PPM1L: variants seen among roughly 807,000 people sequenced by gnomAD.
The protein encoded by PPM1L is protein phosphatase, Mg2+/Mn2+ dependent 1L.
In PPM1L, 13 loss-of-function variants were observed where a neutral mutation model predicts 31.4. The observed-to-expected ratio is 0.41, with a 90% CI of 0.27 to 0.66. The LOEUF is 0.66. Among genes scored for constraint, PPM1L ranks in the 30% least tolerant of loss-of-function variants. The pLI is 0.29. For synonymous variants in PPM1L, 184 were observed against 175.4 expected, an observed-to-expected ratio of 1.05 and a Z score of -0.39; for missense variants, 326 against 453.7, an observed-to-expected ratio of 0.72 and a Z score of 2.56.
chr3:160,843,429 TATATATATATATATATATATA>T (rs1357812413), intron 1 of PPM1L, among the ~76,000 whole-genome samples: 13 of 42,520 alleles, frequency 3.1e-4, no homozygotes, highest in African/African-American at 1.5e-3. Flanking sequence ...AATTCTTTTA[TATATATATATATATATATATA>T]TATATATATA....
At chr3:160,788,583 T>G (rs1576638107) in intron 1 of PPM1L, among the ~76,000 whole-genome samples, 1 of 152,070 alleles carries the variant, frequency 6.6e-6, no homozygotes. Context: ...ACAAATCTTA[T>G]GCCATCACAT....
At chr3:160,994,081 TTCTC>T (rs1181980819) in intron 2 of PPM1L, among the ~76,000 whole-genome samples, 6 of 152,146 alleles carry the variant, frequency 3.9e-5, no homozygotes, top group Non-Finnish European at 5.9e-5. Context: ...CGGATATTAC[TTCTC>T]TCTATTAATT....
intron 1 of PPM1L, among the ~76,000 whole-genome samples, chr3:160,938,537 T>C (rs1715054137): frequency 6.6e-6 from 1 of 152,240 alleles, no homozygotes; most frequent in South Asian, 2.1e-4. Flanking sequence ...TTCCAGATTA[T>C]ATAGGCTTTG....
chr3:160,874,611 T>G (rs1348009088), intron 1 of PPM1L, among the ~76,000 whole-genome samples: 1 of 152,250 alleles, frequency 6.6e-6, no homozygotes, highest in Non-Finnish European at 1.5e-5. Context: ...ACAGTGTGAT[T>G]TCACATTCCT....
At chr3:160,923,766 A>T (rs1358407827) in intron 1 of PPM1L, among the ~76,000 whole-genome samples, 1 of 152,230 alleles carries the variant, frequency 6.6e-6, no homozygotes, top group African/African-American at 2.4e-5. Flanking sequence ...CCCAAGAATG[A>T]TTCTCTGACT....
chr3:160,914,520 A>G (rs140142235), intron 1 of PPM1L, among the ~76,000 whole-genome samples: 218 of 140,876 alleles, frequency 1.5e-3, no homozygotes, highest in African/African-American at 5.6e-3. Context: ...ATTCCCACCT[A>G]TGAGTGAGAA....
At chr3:160,974,328 A>G (rs559869539) in intron 2 of PPM1L, among the ~76,000 whole-genome samples, 88 of 152,092 alleles carry the variant, frequency 5.8e-4, no homozygotes, top group Non-Finnish European at 6.3e-4. Flanking sequence ...GCCGCAATAA[A>G]CATACATGTG....
At chr3:160,956,919 A>G (rs987777816) in intron 1 of PPM1L, among the ~76,000 whole-genome samples, 3 of 152,258 alleles carry the variant, frequency 2.0e-5, no homozygotes, top group African/African-American at 7.2e-5. Flanking sequence ...CTTCTATGGT[A>G]TAAAGCATTG....
intron 2 of PPM1L, among the ~76,000 whole-genome samples, chr3:160,988,381 C>A (rs1301227999): frequency 3.9e-5 from 6 of 152,126 alleles, no homozygotes; most frequent in African/African-American, 1.4e-4. Flanking sequence ...ACAATAGAGC[C>A]ACTTCACAGT....
chr3:160,840,918 T>G (rs545522690), intron 1 of PPM1L, among the ~76,000 whole-genome samples: 47 of 152,324 alleles, frequency 3.1e-4, no homozygotes, highest in African/African-American at 1.1e-3. Context: ...AGGATCTTCC[T>G]TATTGAGTCG....
At chr3:160,871,366 CAAAA>C (rs10607719) in intron 1 of PPM1L, among the ~76,000 whole-genome samples, 39,625 of 151,760 alleles carry the variant, frequency 0.26, 5,374 homozygotes, top group East Asian at 0.48. Context: ...GATACATTAT[CAAAA>C]AGGTCTTCAT....
Position 161,036,001 on chromosome 3 carries a change from G to A in PPM1L, c.575-29402G>A, listed in dbSNP as rs551423805. Reference sequence around the variant, plus strand: ...AAAAGGGGAAACAGTATACCAGCAAGTCAGCAAGTCCAAATCAAGCCATGA... The same window carrying A: ...AAAAGGGGAAACAGTATACCAGCAAATCAGCAAGTCCAAATCAAGCCATGA... On this transcript the variant is annotated intron_variant, in intron 2 of 3. Transcript: ENST00000498165. 3 of 152,304 alleles carry A rather than the reference G, an allele frequency of 2.0e-5. No homozygotes were observed. The South Asian group carries it at 6.2e-4, about 32-fold the overall frequency. 9.4% of individuals were successfully genotyped at this position (152,304 alleles called of 1,614,324 possible). A position where few individuals can be genotyped will look rare whatever the true frequency, so the allele number is the denominator to read the frequency against.
chr3:160,889,031 ATGCCCAC>A (rs1314733569), intron 1 of PPM1L, among the ~76,000 whole-genome samples: 1 of 152,246 alleles, frequency 6.6e-6, no homozygotes, highest in Non-Finnish European at 1.5e-5. Context: ...ATAGCACTAA[ATGCCCAC>A]ATCAGAAAGC....
intron 2 of PPM1L, among the ~76,000 whole-genome samples, chr3:161,000,767 G>A (rs1717455632): frequency 6.6e-6 from 1 of 152,096 alleles, no homozygotes; most frequent in Non-Finnish European, 1.5e-5. Flanking sequence ...TGAGTTCACT[G>A]GAATCATTTT....
intron 1 of PPM1L, among the ~76,000 whole-genome samples, chr3:160,796,543 T>C (rs767163475): frequency 1.4e-4 from 21 of 152,368 alleles, no homozygotes; most frequent in Middle Eastern, 3.4e-3. Flanking sequence ...AACTTCACTT[T>C]GCTCTTTGTG....
At chr3:160,828,952 G>T (rs562959016) in intron 1 of PPM1L, among the ~76,000 whole-genome samples, 1 of 152,110 alleles carries the variant, frequency 6.6e-6, no homozygotes, top group East Asian at 1.9e-4. Flanking sequence ...TTTCCACCTG[G>T]ATCTCTGTAC....
intron 2 of PPM1L, among the ~76,000 whole-genome samples, chr3:160,983,146 G>A (rs1346823529): frequency 6.6e-6 from 1 of 152,158 alleles, no homozygotes; most frequent in Non-Finnish European, 1.5e-5. Context: ...GATAAACTAA[G>A]CCAAATTTGT....
intron 1 of PPM1L, among the ~76,000 whole-genome samples, chr3:160,935,158 A>G (rs1714927537): frequency 6.6e-6 from 1 of 152,154 alleles, no homozygotes; most frequent in Non-Finnish European, 1.5e-5. Flanking sequence ...GCTGCTTGGG[A>G]CCATCCAGAG....
chr3:160,939,724 C>G (rs550609934), intron 1 of PPM1L: 1 of 165,452 alleles, frequency 6.0e-6, no homozygotes, highest in Admixed American at 6.4e-5. Flanking sequence ...AACTGGAAAT[C>G]CAATTAAACC....
Sources: allele counts gnomAD v4.1 joint callset (sites outside exome capture counted in the v4.1 genomes callset), GRCh38; gene constraint gnomAD v4.1.1; transcripts MANE v1.5; gene names NCBI Gene and HGNC (gene_info 2026-07-23, HGNC 2026-07-21).